Variants in FER1L5 observed in about 807,000 individuals in gnomAD.
FER1L5 encodes the protein fer-1-like protein 5.
FER1L5 carries 187 observed loss-of-function variants against 279.9 expected under a neutral mutation model. That is an observed-to-expected ratio of 0.67 (90% confidence interval 0.59 to 0.75). FER1L5 has a LOEUF of 0.75. Ranked by LOEUF, FER1L5 falls within the 30% of genes least tolerant of loss-of-function variation. The pLI, the probability that FER1L5 is intolerant of heterozygous loss-of-function variation, is 0.00. For missense variants in FER1L5, 2,091 were observed against 2,594.4 expected, an observed-to-expected ratio of 0.81 and a Z score of 4.21; for synonymous variants, 921 against 989.7, an observed-to-expected ratio of 0.93 and a Z score of 1.30.
chr2:96,693,567 T>G lies in FER1L5; in HGVS notation c.3354T>G (p.Ser1118=). Residue 1118 remains serine, a synonymous_variant, in exon 32 of 53, where the codon TCT becomes TCG. Coordinates refer to ENST00000624922, the MANE Select transcript of FER1L5 (RefSeq NM_001293083.2). Reference sequence around the variant, plus strand: ...AGTGCACCCAAACCCTGAGGAGCTCTGCAGGCCCCACATGGGCCCAGACAC... The same window carrying G: ...AGTGCACCCAAACCCTGAGGAGCTCGGCAGGCCCCACATGGGCCCAGACAC... ...HSQCTQTLRS[S]AGPTWAQTLI... 1 of 1,551,554 alleles carries G rather than the reference T, an allele frequency of 6.4e-7. No individual in the cohort carries two copies. The highest frequency in any genetic ancestry group is 8.7e-7 in the Non-Finnish European group (1 of 1,146,948).
At chr2:96,678,421 G>GGC (rs1553456136) in intron 19 of FER1L5, among the ~76,000 whole-genome samples, 2 of 148,224 alleles carry the variant, frequency 1.3e-5, no homozygotes, top group Non-Finnish European at 3.0e-5. Flanking sequence ...GTGAGCCACT[G>GGC]CACTCAGCCT....
At chr2:96,652,081 C>T in intron 7 of FER1L5, 61 bp downstream of exon 7, 6 of 1,548,486 alleles carry the variant, frequency 3.9e-6, no homozygotes, top group Non-Finnish European at 5.2e-6. Context: ...CCCCGGTGGG[C>T]AGCCGGCAAG....
intron 9 of FER1L5, among the ~76,000 whole-genome samples, chr2:96,657,780 A>G (rs2075658369): frequency 6.6e-6 from 1 of 152,196 alleles, no homozygotes. Flanking sequence ...TGCACTTGTC[A>G]GCAGTTCATT....
chr2:96,676,968 A>C (rs2076533537), intron 19 of FER1L5, among the ~76,000 whole-genome samples: 1 of 152,130 alleles, frequency 6.6e-6, no homozygotes, highest in African/African-American at 2.4e-5. Context: ...CAGCCTCCCC[A>C]GTAGCTGGGA....
chr2:96,700,298 C>T (rs747456714), intron 44 of FER1L5, 34 bp from the exon 45 acceptor site: 10 of 1,609,000 alleles, frequency 6.2e-6, no homozygotes, highest in African/African-American at 2.7e-5. Context: ...CTAATGACCT[C>T]GCAATCCCCT....
intron 38 of FER1L5, 27 bp from the exon 39 acceptor site, chr2:96,697,633 G>A (rs1393567910): frequency 3.7e-6 from 6 of 1,613,820 alleles, no homozygotes; most frequent in Non-Finnish European, 5.1e-6. Context: ...CCCTGCCCGA[G>A]GCCAGAATGA....
chr2:96,666,549 G>A (rs1421445313), intron 14 of FER1L5, among the ~76,000 whole-genome samples: 2 of 152,094 alleles, frequency 1.3e-5, no homozygotes, highest in African/African-American at 2.4e-5. Flanking sequence ...ACTGCTGTAA[G>A]GAGAAGAGGC....
chr2:96,686,197 C>T lies in FER1L5; in HGVS notation c.2076C>T (p.Pro692=), dbSNP rs2076919044. The change falls in exon 23 of 53, where the codon CCC becomes CCT. Residue 692 remains proline (P), a splice_region_variant and synonymous_variant. Coordinates refer to ENST00000624922, the MANE Select transcript of FER1L5 (RefSeq NM_001293083.2). The part of the protein sequence containing the change: ...LYRLNTVLPE[P]QMGLPDVMIW... ...CTGACATTCTCCCACCTCGGCAGCCCCAGATGGGCCTCCCTGACGTGATGA... is the reference window on the plus strand; with the variant it reads ...CTGACATTCTCCCACCTCGGCAGCCTCAGATGGGCCTCCCTGACGTGATGA... 6.5e-7 allele frequency: 1 copy of T among 1,550,232 alleles called. No homozygotes were observed. The highest frequency in any genetic ancestry group is 8.7e-7 in the Non-Finnish European group (1 of 1,145,990).
chr2:96,643,049 G>T, intron 1 of FER1L5, 128 bp downstream of exon 1: 2 of 732,106 alleles, frequency 2.7e-6, no homozygotes, highest in South Asian at 2.2e-5. Context: ...TGAAGTAGAC[G>T]TTGTCCAGCT....
intron 9 of FER1L5, among the ~76,000 whole-genome samples, chr2:96,657,825 A>G (rs1162942251): frequency 2.0e-5 from 3 of 152,076 alleles, no homozygotes; most frequent in African/African-American, 7.2e-5. Context: ...CAGCATATGG[A>G]TGTACTATAG....
At chr2:96,651,646 A>G (rs1487387114) in intron 6 of FER1L5, among the ~76,000 whole-genome samples, 1 of 151,936 alleles carries the variant, frequency 6.6e-6, no homozygotes, top group African/African-American at 2.4e-5. Context: ...GATTACAGGC[A>G]TGCACCACCA....
rs372884591 is a variant in FER1L5, at chr2:96,693,988, C to A, written c.3552C>A (p.Pro1184=). The change falls in exon 33 of 53, where the codon CCC becomes CCA. Residue 1184 remains proline, a synonymous_variant. Coordinates refer to ENST00000624922, the MANE Select transcript of FER1L5 (RefSeq NM_001293083.2). The part of the protein sequence containing the change: ...WLDLQDRILP[P]MRWHPLVKEL... ...ATCTCCAGGACCGGATCCTGCCCCC[C>A]ATGAGGTGGCATCCCCTTGTAAAGG... is the stretch of plus-strand genomic sequence containing the variant. The A allele has an allele frequency of 9.7e-6, 15 of 1,551,368 alleles. No individual in the cohort carries two copies. In the East Asian group the frequency reaches 2.4e-4, roughly 25 times the overall value.
chr2:96,693,964 T>C lies in FER1L5; in HGVS notation c.3528T>C (p.Asp1176=), dbSNP rs1281906546. ...RSVWPPMVWL[D]LQDRILPPMR... The stretch of plus-strand genomic sequence containing the variant: ...TGTGGCCCCCAATGGTCTGGCTGGA[T>C]CTCCAGGACCGGATCCTGCCCCCCA... The change falls in exon 33 of 53, where the codon GAT becomes GAC. Residue 1176 remains aspartate, a synonymous_variant. Coordinates refer to ENST00000624922, the MANE Select transcript of FER1L5 (RefSeq NM_001293083.2). The C allele has an allele frequency of 1.3e-6, 2 of 1,551,558 alleles. No homozygotes were observed. Among genetic ancestry groups the C allele is most frequent in the Non-Finnish European group, 1.7e-6 (2 of 1,146,952 alleles).
chr2:96,688,011 G>A (rs904606103), intron 24 of FER1L5, 64 bp downstream of exon 24: 45 of 1,537,182 alleles, frequency 2.9e-5, no homozygotes, highest in Middle Eastern at 1.7e-4. Context: ...GGGTGGCCTC[G>A]TAGGGAAGAG....
In FER1L5 at chr2:96,702,930, A is replaced by G. The variant is rs1035490215; in HGVS notation, c.5398-48A>G. On this transcript the variant is annotated intron_variant, in intron 48 of 52. Transcript: ENST00000624922. The surrounding 1 kb of genome is among the most constrained non-coding windows in gnomAD (Gnocchi z 4.0). ...GAGGGCCACTGAGGGGTGCAAGGGA[A>G]ACGTCCAGGAGACAGGCCGGTAACA... The G allele has an allele frequency of 6.4e-7, 1 of 1,573,112 alleles. No individual in the cohort carries two copies. The highest frequency in any genetic ancestry group is 1.8e-5 in the Admixed American group (1 of 54,546).
chr2:96,660,899 C>A (rs187498020), intron 10 of FER1L5, among the ~76,000 whole-genome samples: 5 of 152,230 alleles, frequency 3.3e-5, no homozygotes, highest in African/African-American at 7.2e-5. Context: ...AAACTCAGGG[C>A]ATCCCTTTGG....
chr2:96,700,369 G>A lies in FER1L5; in HGVS notation c.4968G>A (p.Lys1656=). ...CTACTGTTCATGGTTTGGGACCCAA[G>A]AAGGAACGCCTTGCACTGTACCTCC... is the stretch of plus-strand genomic sequence containing the variant. ...KTPTVHGLGP[K]KERLALYLLH... The change falls in exon 45 of 53, where the codon AAG becomes AAA. Residue 1656 remains lysine, a synonymous_variant. Transcript: ENST00000624922. The A allele has an allele frequency of 6.2e-7, 1 of 1,613,756 alleles. No individual in the cohort carries two copies. Among genetic ancestry groups the A allele is most frequent in the Non-Finnish European group, 8.5e-7 (1 of 1,179,870 alleles).
chr2:96,686,855 CAAAAAAA>C (rs58724485), intron 23 of FER1L5, among the ~76,000 whole-genome samples: 6 of 41,164 alleles, frequency 1.5e-4, no homozygotes, highest in East Asian at 7.0e-4. Context: ...GACTCCGTCT[CAAAAAAA>C]AAAAAAAAAA....
Position 96,689,575 on chromosome 2 carries a change from C to A in FER1L5, c.2526-69C>A. 6.8e-7 allele frequency: 1 copy of A among 1,466,718 alleles called. No individual in the cohort carries two copies. The allele number at this position is 1,466,718 out of a possible 1,614,324, so 90.9% of individuals were successfully genotyped here. Reference sequence around the variant, plus strand: ...GGATGCCAGGTATGGGAACGCTTGGCCAGCAGAAGACGGCCCTAGGGGCTG... The same window carrying A: ...GGATGCCAGGTATGGGAACGCTTGGACAGCAGAAGACGGCCCTAGGGGCTG... On this transcript the variant is annotated intron_variant, in intron 25 of 52. Transcript: ENST00000624922. This position sits in a 1 kb window ranked among gnomAD's most constrained non-coding sequence, Gnocchi z 4.6.
Sources: gnomAD v4.1 joint callset for allele counts (sites outside exome capture counted in the v4.1 genomes callset) on GRCh38, gnomAD v4.1.1 for gene constraint, Gnocchi (gnomAD v3.1) non-coding constraint, MANE v1.5 for transcripts, NCBI Gene and HGNC (gene_info 2026-07-23, HGNC 2026-07-21) for gene names.